The following APBA1 variants were observed in gnomAD, a reference collection of about 807,000 sequenced individuals.
APBA1 encodes the protein amyloid beta precursor protein binding family A member 1, also known as amyloid-beta A4 precursor protein-binding family A member 1.
In APBA1, 55 loss-of-function variants were observed where a neutral mutation model predicts 86.6. The observed-to-expected ratio is 0.64, with a 90% CI of 0.51 to 0.80. The LOEUF (loss-of-function observed/expected upper bound fraction) is 0.80. APBA1 is among the 30% of genes least tolerant of loss of function. The pLI is 0.00. For missense variants in APBA1, 1,090 were observed against 1,183.0 expected (o/e 0.92, Z 1.15); for synonymous variants, 511 against 493.9 (o/e 1.03, Z -0.46).
intron 1 of APBA1, among the ~76,000 whole-genome samples, chr9:69,633,019 G>C (rs1338830708): frequency 6.6e-6 from 1 of 151,092 alleles, no homozygotes; most frequent in East Asian, 1.9e-4. Flanking sequence ...ACAGGCCACA[G>C]CTCCTGCCAG....
In APBA1 at chr9:69,516,737, C is replaced by T. The variant is rs199557922; in HGVS notation, c.474G>A (p.Glu158=). 257 of 1,612,188 alleles carry T rather than the reference C, an allele frequency of 1.6e-4. 2 individuals carry two copies. The East Asian group carries it at 1.9e-3, about 12-fold the overall frequency. ...NHLHFHSLEH[E]EAMNAAYSGY... The stretch of plus-strand genomic sequence containing the variant: ...CTGAGTAGGCCGCATTCATGGCTTC[C>T]TCGTGCTCCAGCGAGTGGAAGTGCA... Residue 158 remains glutamate, a synonymous_variant, in exon 2 of 13, where the codon GAG becomes GAA. Transcript: ENST00000265381. The surrounding 1 kb of genome is among the most constrained non-coding windows in gnomAD (Gnocchi z 7.3).
intron 7 of APBA1, among the ~76,000 whole-genome samples, chr9:69,456,833 C>T (rs71503670): frequency 0.061 from 9,293 of 152,216 alleles, 368 homozygotes; most frequent in East Asian, 0.11. Context: ...TCTGAAAATG[C>T]TAAACGTCAT....
At chr9:69,473,578 T>C (rs937180280) in intron 3 of APBA1, among the ~76,000 whole-genome samples, 17 of 152,222 alleles carry the variant, frequency 1.1e-4, no homozygotes, top group African/African-American at 2.9e-4. Flanking sequence ...CTTTGGTCTA[T>C]AGCTCTAAAA....
intron 1 of APBA1, among the ~76,000 whole-genome samples, chr9:69,588,238 G>C (rs1822059887): frequency 6.6e-6 from 1 of 152,084 alleles, no homozygotes; most frequent in African/African-American, 2.4e-5. Flanking sequence ...AGGTAAGAAA[G>C]GGGTTGGCAT....
intron 2 of APBA1, among the ~76,000 whole-genome samples, chr9:69,498,879 C>T (rs553009224): frequency 6.6e-6 from 1 of 152,208 alleles, no homozygotes; most frequent in South Asian, 2.1e-4. Context: ...ACAGCTATGA[C>T]AGCTCAGCTT....
intron 1 of APBA1, among the ~76,000 whole-genome samples, chr9:69,518,660 C>T (rs1836205729): frequency 6.6e-6 from 1 of 152,158 alleles, no homozygotes; most frequent in African/African-American, 2.4e-5. Context: ...ATAGGCTCAA[C>T]AGTATGTGTA....
At chr9:69,495,841 C>T (rs1835785949) in intron 2 of APBA1, among the ~76,000 whole-genome samples, 1 of 152,034 alleles carries the variant, frequency 6.6e-6, no homozygotes, top group Admixed American at 6.6e-5. Flanking sequence ...TGCACCTGGG[C>T]ATGTGGTGCG....
intron 5 of APBA1, among the ~76,000 whole-genome samples, chr9:69,460,191 A>T (rs559061811): frequency 1.1e-3 from 168 of 152,346 alleles, no homozygotes; most frequent in African/African-American, 3.9e-3. Flanking sequence ...AATCTCTGGT[A>T]CACCCGGGAA....
rs941185779 is a variant in APBA1, at chr9:69,543,287, C to G, written c.-69-26008G>C. On this transcript the variant is annotated intron_variant, in intron 1 of 12. Coordinates refer to ENST00000265381, the MANE Select transcript of APBA1 (RefSeq NM_001163.4). ...GCTGTGCTGGGATTTCCCCCCCCCC[C>G]CCCCGGCCTGTCCTCCACAGCCTGC... Among the ~76,000 whole-genome samples the G allele has an allele frequency of 3.6e-4, 54 of 151,114 alleles. 1 individual carries two copies. The highest frequency in any genetic ancestry group is 8.5e-4 in the African/African-American group (35 of 41,068).
chr9:69,492,053 C>T (rs541814929), intron 2 of APBA1, among the ~76,000 whole-genome samples: 1 of 152,266 alleles, frequency 6.6e-6, no homozygotes, highest in South Asian at 2.1e-4. Flanking sequence ...GCATGAGCCA[C>T]TGCTGCGCCC....
chr9:69,492,269 TG>T (rs1233916577), intron 2 of APBA1, among the ~76,000 whole-genome samples: 3 of 152,038 alleles, frequency 2.0e-5, no homozygotes, highest in Non-Finnish European at 4.4e-5. Context: ...CCTCCCGGGT[TG>T]CCATGAGTAT....
intron 1 of APBA1, among the ~76,000 whole-genome samples, chr9:69,582,575 C>T (rs192856931): frequency 6.6e-6 from 1 of 152,276 alleles, no homozygotes; most frequent in East Asian, 1.9e-4. Flanking sequence ...GCTTCTGACT[C>T]TGTCAAAATG....
At chr9:69,655,279 G>A (rs748725311) in intron 1 of APBA1, among the ~76,000 whole-genome samples, 32 of 152,044 alleles carry the variant, frequency 2.1e-4, no homozygotes, top group Non-Finnish European at 4.4e-4. Flanking sequence ...CCTACTGGCA[G>A]ATATGAATAT....
chr9:69,557,859 T>C (rs753865680), intron 1 of APBA1, among the ~76,000 whole-genome samples: 15 of 152,242 alleles, frequency 9.9e-5, no homozygotes, highest in Non-Finnish European at 1.9e-4. Flanking sequence ...GATTCCATTC[T>C]TATAAATGAT....
chr9:69,486,833 T>C (rs1055807990), intron 2 of APBA1, among the ~76,000 whole-genome samples: 6 of 151,852 alleles, frequency 4.0e-5, no homozygotes, highest in African/African-American at 1.2e-4. Flanking sequence ...GCTCCTACTC[T>C]CTGCCCCGGG....
At chr9:69,535,478 G>A (rs1054027650) in intron 1 of APBA1, among the ~76,000 whole-genome samples, 1 of 152,176 alleles carries the variant, frequency 6.6e-6, no homozygotes, top group African/African-American at 2.4e-5. Context: ...GAATCAAGGT[G>A]TTAATCATTG....
chr9:69,594,246 G>A (rs996585419), intron 1 of APBA1, among the ~76,000 whole-genome samples: 7 of 152,104 alleles, frequency 4.6e-5, no homozygotes, highest in Non-Finnish European at 1.0e-4. Flanking sequence ...GGGGGTAGGG[G>A]GTGTCTTTAA....
chr9:69,529,306 A>T (rs1015757054), intron 1 of APBA1, among the ~76,000 whole-genome samples: 8 of 152,120 alleles, frequency 5.3e-5, no homozygotes, highest in African/African-American at 1.9e-4. Context: ...CCAAAGAACA[A>T]AATCCACTAA....
At chr9:69,463,646 C>G (rs556144111) in intron 5 of APBA1, 1 of 152,074 alleles carries the variant, frequency 6.6e-6, no homozygotes. Context: ...AATAACAGGG[C>G]GCGTGGTGAG....
Sources: gnomAD v4.1 joint callset for allele counts (sites outside exome capture counted in the v4.1 genomes callset) on GRCh38, gnomAD v4.1.1 for gene constraint, Gnocchi (gnomAD v3.1) non-coding constraint, MANE v1.5 for transcripts, NCBI Gene and HGNC (gene_info 2026-07-23, HGNC 2026-07-21) for gene names.